The following GABBR1 variants were observed in gnomAD, a reference collection of about 807,000 sequenced individuals.
GABBR1 encodes GABA-B receptor, R1 subunit.
Under a neutral mutation model 117.7 loss-of-function variants are expected in GABBR1, and 35 were observed. The observed-to-expected ratio is 0.30, with a 90% CI of 0.23 to 0.39. GABBR1 has a LOEUF of 0.39. GABBR1 is among the 10% of genes least tolerant of loss of function. The pLI is 1.00. For missense variants in GABBR1, 709 were observed against 1,241.8 expected (o/e 0.57, Z 6.45); for synonymous variants, 442 against 486.6 (o/e 0.91, Z 1.21).
intron 11 of GABBR1, among the ~76,000 whole-genome samples, chr6:29,615,784 T>G (rs909256674): frequency 3.3e-5 from 5 of 152,048 alleles, no homozygotes; most frequent in Admixed American, 2.0e-4. Context: ...TTAGCCAGAC[T>G]TGGCCTGGGC....
Position 29,622,091 on chromosome 6 carries a change from C to T in GABBR1, c.1065+13G>A, listed in dbSNP as rs374520695. 6.2e-7 allele frequency: 1 copy of T among 1,609,284 alleles called. No homozygotes were observed. ...CCTCCGTAAACAGAGCCCACCACTC[C>T]CAGCCATCTGACCTTCAGGTTTTTG... On this transcript the variant is annotated intron_variant, in intron 9 of 22. Transcript: ENST00000377034. The surrounding 1 kb of genome is among the most constrained non-coding windows in gnomAD (Gnocchi z 4.6).
In GABBR1 at chr6:29,630,214, C is replaced by T. The variant is rs375376866; in HGVS notation, c.475+244G>A. The T allele has an allele frequency of 8.4e-5, 37 of 441,892 alleles. No individual in the cohort carries two copies. Among genetic ancestry groups the T allele is most frequent in the South Asian group, 5.3e-4 (8 of 14,990 alleles). The allele number at this position is 441,892 out of a possible 1,614,324, so 27.4% of individuals were successfully genotyped here. ...AAGAGAAAACGTGAGGTCTAAGAAT[C>T]GGGAGCAGGAAGATTTTTTTAAAAG... On this transcript the variant is annotated intron_variant, in intron 4 of 22. Transcript: ENST00000377034. The surrounding 1 kb of genome is among the most constrained non-coding windows in gnomAD (Gnocchi z 4.9).
chr6:29,615,841 G>A (rs1763031030), intron 11 of GABBR1, among the ~76,000 whole-genome samples: 1 of 151,938 alleles, frequency 6.6e-6, no homozygotes, highest in Admixed American at 6.6e-5. Flanking sequence ...GGTCAAGGCG[G>A]GCAGATCATG....
In GABBR1 at chr6:29,604,166, GGCTCACA is replaced by G. The variant is rs1271068551; in HGVS notation, c.2712+321_2712+327del. The stretch of plus-strand genomic sequence containing the variant: ...GCTGCTGTGAGTGTTGACTACTAGA[GGCTCACA>G]GCTGCCTCTCTCCAGTTGTCACCTA... On this transcript the variant is annotated intron_variant, in intron 22 of 22. Transcript: ENST00000377034. The surrounding 1 kb of genome is among the most constrained non-coding windows in gnomAD (Gnocchi z 5.3). Among the ~76,000 whole-genome samples, 3 of 151,996 alleles carry G rather than the reference GGCTCACA, an allele frequency of 2.0e-5. No homozygotes were observed. The highest frequency in any genetic ancestry group is 2.0e-4 in the Admixed American group (3 of 15,268).
In GABBR1 at chr6:29,605,435, G is replaced by T; in HGVS notation, c.2439+134C>A. On this transcript the variant is annotated intron_variant, in intron 20 of 22. Transcript: ENST00000377034. This position sits in a 1 kb window ranked among gnomAD's most constrained non-coding sequence, Gnocchi z 4.2. Reference sequence around the variant, plus strand: ...TTTGTAAACTGTAAAGTGCTTTATAGACCTGAAGAATTAACAAACTTTTTA... The same window carrying T: ...TTTGTAAACTGTAAAGTGCTTTATATACCTGAAGAATTAACAAACTTTTTA... 9.7e-7 allele frequency: 1 copy of T among 1,028,498 alleles called. No homozygotes were observed. The highest frequency in any genetic ancestry group is 1.4e-6 in the Non-Finnish European group (1 of 697,784). 63.7% of individuals were successfully genotyped at this position (1,028,498 alleles called of 1,614,324 possible).
chr6:29,621,682 G>T lies in GABBR1; in HGVS notation c.1131+70C>A. ...CTATCAACTCAGGCACAGATGCCAA[G>T]AGGAGGCCCCACAAGAAAACCAAGG... On this transcript the variant is annotated intron_variant, in intron 10 of 22. Transcript: ENST00000377034. The surrounding 1 kb of genome is among the most constrained non-coding windows in gnomAD (Gnocchi z 5.0). 1 of 1,328,484 alleles carries T rather than the reference G, an allele frequency of 7.5e-7. No individual in the cohort carries two copies. Among genetic ancestry groups the T allele is most frequent in the Non-Finnish European group, 1.1e-6 (1 of 920,498 alleles). 82.3% of individuals were successfully genotyped at this position (1,328,484 alleles called of 1,614,324 possible). A position where few individuals can be genotyped will look rare whatever the true frequency, so the allele number is the denominator to read the frequency against.
chr6:29,612,450 A>G, intron 13 of GABBR1, 101 bp downstream of exon 13: 1 of 872,758 alleles, frequency 1.1e-6, no homozygotes, highest in Non-Finnish European at 1.9e-6. Flanking sequence ...GGGAGGTGCC[A>G]GGGCAATCTT....
Position 29,605,265 on chromosome 6 carries a change from G to A in GABBR1, c.2440-277C>T. The stretch of plus-strand genomic sequence containing the variant: ...GTCCTCCAGAGTCGGTCCCTGGCAG[G>A]AAATGTCAATAGAGTCCAGCCCATT... On this transcript the variant is annotated intron_variant, in intron 20 of 22. Transcript: ENST00000377034. This position sits in a 1 kb window ranked among gnomAD's most constrained non-coding sequence, Gnocchi z 4.2. 1.8e-6 allele frequency: 1 copy of A among 555,188 alleles called. No individual in the cohort carries two copies. Among genetic ancestry groups the A allele is most frequent in the Non-Finnish European group, 3.1e-6 (1 of 318,688 alleles). 34.4% of individuals were successfully genotyped at this position (555,188 alleles called of 1,614,324 possible).
In GABBR1 at chr6:29,606,930, C is replaced by A; in HGVS notation, c.2184G>T (p.Trp728Cys). The change falls in exon 18 of 23, where the codon TGG becomes TGT. Residue 728 changes from tryptophan (W) to cysteine (C), a missense_variant. Transcript: ENST00000377034. This position sits in a 1 kb window ranked among gnomAD's most constrained non-coding sequence, Gnocchi z 4.5. ...TCCGGTGCAGAGGGTCCACGATCTG[C>A]CAGATGGCGAGAGTGAGGACATCCA... Reference protein sequence around the residue: ...VGMDVLTLAIWQIVDPLHRTI... With the variant: ...VGMDVLTLAICQIVDPLHRTI... 1 of 1,614,208 alleles carries A rather than the reference C, an allele frequency of 6.2e-7. No individual in the cohort carries two copies. Among genetic ancestry groups the A allele is most frequent in the Non-Finnish European group, 8.5e-7 (1 of 1,180,014 alleles).
chr6:29,628,388 C>G (rs1764594826), intron 5 of GABBR1, among the ~76,000 whole-genome samples: 1 of 151,952 alleles, frequency 6.6e-6, no homozygotes, highest in South Asian at 2.1e-4. Flanking sequence ...GGGAGAGAAA[C>G]GGGGCTGGCG....
chr6:29,623,764 G>T lies in GABBR1; in HGVS notation c.792+126C>A. The T allele has an allele frequency of 8.6e-7, 1 of 1,164,410 alleles. No individual in the cohort carries two copies. Among genetic ancestry groups the T allele is most frequent in the Non-Finnish European group, 1.2e-6 (1 of 825,178 alleles). The allele number at this position is 1,164,410 out of a possible 1,614,324, so 72.1% of individuals were successfully genotyped here. On this transcript the variant is annotated intron_variant, in intron 7 of 22. Coordinates refer to ENST00000377034, the MANE Select transcript of GABBR1 (RefSeq NM_001470.4). The surrounding 1 kb of genome is among the most constrained non-coding windows in gnomAD (Gnocchi z 6.2). The stretch of plus-strand genomic sequence containing the variant: ...AGGCTGCCTAGCTCAGGTCTGCAGA[G>T]GACTCTGAATCTTAGTAGCAGGTCC...
Position 29,630,782 on chromosome 6 carries a change from A to G in GABBR1, c.290-139T>C. 1 of 665,182 alleles carries G rather than the reference A, an allele frequency of 1.5e-6. No individual in the cohort carries two copies. The highest frequency in any genetic ancestry group is 2.5e-6 in the Non-Finnish European group (1 of 397,640). 41.2% of individuals were successfully genotyped at this position (665,182 alleles called of 1,614,324 possible). On this transcript the variant is annotated intron_variant, in intron 3 of 22. Transcript: ENST00000377034. This position sits in a 1 kb window ranked among gnomAD's most constrained non-coding sequence, Gnocchi z 4.9. ...AATCACATGTGAAAAGGATTTGCCT[A>G]CCTATCTTCCAATCCTCCCTTACCT...
In GABBR1 at chr6:29,603,060, G is replaced by GTA; in HGVS notation, c.*481_*482dup. On this transcript the variant is annotated 3_prime_UTR_variant, in exon 23 of 23. Transcript: ENST00000377034. ...TTCAGGGGGAGCCACATGTGAGAAA[G>GTA]TATAGAAGGGCAAGTAAGATGGAAA... 1 of 457,356 alleles carries GTA rather than the reference G, an allele frequency of 2.2e-6. No homozygotes were observed. The highest frequency in any genetic ancestry group is 4.4e-6 in the Non-Finnish European group (1 of 227,284). 28.3% of individuals were successfully genotyped at this position (457,356 alleles called of 1,614,324 possible). A position where few individuals can be genotyped will look rare whatever the true frequency, so the allele number is the denominator to read the frequency against.
rs2127391551 is a variant in GABBR1 at position 29,606,074 on chromosome 6, A to G, written c.2311+317T>C. The G allele has an allele frequency of 1.9e-6, 1 of 535,024 alleles. No individual in the cohort carries two copies. Among genetic ancestry groups the G allele is most frequent in the Non-Finnish European group, 3.3e-6 (1 of 300,782 alleles). 33.1% of individuals were successfully genotyped at this position (535,024 alleles called of 1,614,324 possible). A position where few individuals can be genotyped will look rare whatever the true frequency, so the allele number is the denominator to read the frequency against. The stretch of plus-strand genomic sequence containing the variant: ...GCAATTTGTGACCATGAATCGAACA[A>G]TGCTAATAAGGCCAAGGGGGATCTA... On this transcript the variant is annotated intron_variant, in intron 19 of 22. Transcript: ENST00000377034. This position sits in a 1 kb window ranked among gnomAD's most constrained non-coding sequence, Gnocchi z 4.5.
chr6:29,623,553 T>G lies in GABBR1; in HGVS notation c.793-78A>C, dbSNP rs1208585003. 3 of 1,404,744 alleles carry G rather than the reference T, an allele frequency of 2.1e-6. No homozygotes were observed. Among genetic ancestry groups the G allele is most frequent in the Non-Finnish European group, 2.9e-6 (3 of 1,019,102 alleles). The allele number at this position is 1,404,744 out of a possible 1,614,324, so 87.0% of individuals were successfully genotyped here. On this transcript the variant is annotated intron_variant, in intron 7 of 22. Transcript: ENST00000377034. The surrounding 1 kb of genome is among the most constrained non-coding windows in gnomAD (Gnocchi z 6.2). The stretch of plus-strand genomic sequence containing the variant: ...GAGTGGCCAAGAGTTCCTTTAACCC[T>G]CTTCCTGCCTTTGGGTTTCTCTTCC...
chr6:29,626,358 C>T (rs937677711), intron 6 of GABBR1, among the ~76,000 whole-genome samples: 1 of 152,138 alleles, frequency 6.6e-6, no homozygotes, highest in Admixed American at 6.5e-5. Flanking sequence ...ACCAAATTCT[C>T]ACCTTGTGTA....
rs893789771 is a variant in GABBR1, at chr6:29,621,741, T to C, written c.1131+11A>G. The C allele has an allele frequency of 6.2e-7, 1 of 1,613,242 alleles. No homozygotes were observed. Among genetic ancestry groups the C allele is most frequent in the South Asian group, 1.1e-5 (1 of 91,068 alleles). The stretch of plus-strand genomic sequence containing the variant: ...CACCCAGTGCCCCTCCCTCTTCAGA[T>C]CCAACTCCACCTCACAAAAAACTTT... On this transcript the variant is annotated intron_variant, in intron 10 of 22. Transcript: ENST00000377034. The surrounding 1 kb of genome is among the most constrained non-coding windows in gnomAD (Gnocchi z 5.0).
chr6:29,632,399 G>A lies in GABBR1; in HGVS notation c.1-14C>T. On this transcript the variant is annotated splice_polypyrimidine_tract_variant and intron_variant, in intron 1 of 22. Coordinates refer to ENST00000377034, the MANE Select transcript of GABBR1 (RefSeq NM_001470.4). The surrounding 1 kb of genome is among the most constrained non-coding windows in gnomAD (Gnocchi z 5.8). ...CAGCAGCAACATCTAAGTGAGAGGC[G>A]GCCATGAGGACTGGACCGAGCCCCG... is the stretch of plus-strand genomic sequence containing the variant. The A allele has an allele frequency of 7.5e-7, 1 of 1,334,108 alleles. No homozygotes were observed. The highest frequency in any genetic ancestry group is 9.7e-7 in the Non-Finnish European group (1 of 1,036,122). 82.6% of individuals were successfully genotyped at this position (1,334,108 alleles called of 1,614,324 possible). A position where few individuals can be genotyped will look rare whatever the true frequency, so the allele number is the denominator to read the frequency against.
rs1180112687 is a variant in GABBR1 at position 29,608,846 on chromosome 6, C to T, written c.1860-113G>A. On this transcript the variant is annotated intron_variant, in intron 15 of 22. Coordinates refer to ENST00000377034, the MANE Select transcript of GABBR1 (RefSeq NM_001470.4). The stretch of plus-strand genomic sequence containing the variant: ...ATGACCCTAATTTCAGGGCCAGGGG[C>T]TAAAGGAAGACAGGATTGGAGAAGA... 7 of 1,178,514 alleles carry T rather than the reference C, an allele frequency of 5.9e-6. No homozygotes were observed. The African/African-American group carries it at 9.2e-5, about 15-fold the overall frequency. The allele number at this position is 1,178,514 out of a possible 1,614,324, so 73.0% of individuals were successfully genotyped here.
Sources: gnomAD v4.1 joint callset for allele counts (sites outside exome capture counted in the v4.1 genomes callset) on GRCh38, gnomAD v4.1.1 for gene constraint, Gnocchi (gnomAD v3.1) non-coding constraint, MANE v1.5 for transcripts, NCBI Gene and HGNC (gene_info 2026-07-23, HGNC 2026-07-21) for gene names.